CLEC16A: variants seen among roughly 807,000 people sequenced by gnomAD.
The protein encoded by CLEC16A is protein CLEC16A.
Under a neutral mutation model 109.5 loss-of-function variants are expected in CLEC16A, and 51 were observed. The observed-to-expected ratio is 0.47, with a 90% CI of 0.37 to 0.59. CLEC16A has a LOEUF of 0.59. CLEC16A is among the 20% of genes least tolerant of loss of function. The probability of loss-of-function intolerance (pLI) is 0.00; values close to 1 mark genes in which losing one functional copy is unlikely to be tolerated. For missense variants in CLEC16A, 1,339 were observed against 1,394.0 expected, an observed-to-expected ratio of 0.96 and a Z score of 0.63; for synonymous variants, 673 against 564.2, an observed-to-expected ratio of 1.19 and a Z score of -2.73.
intron 22 of CLEC16A, chr16:11,126,430 G>T: frequency 7.2e-7 from 1 of 1,395,658 alleles, no homozygotes; most frequent in East Asian, 2.5e-5. Context: ...AAATTTCTTG[G>T]AAACATTTAA....
intron 11 of CLEC16A, among the ~76,000 whole-genome samples, chr16:11,015,855 C>T (rs2045714100): frequency 6.6e-6 from 1 of 152,198 alleles, no homozygotes; most frequent in South Asian, 2.1e-4. Context: ...AGAGCTGAGC[C>T]TGGGGAAGGA....
chr16:11,016,293 G>A, intron 11 of CLEC16A, among the ~76,000 whole-genome samples: 1 of 151,802 alleles, frequency 6.6e-6, no homozygotes, highest in African/African-American at 2.4e-5. Context: ...AAGGGAAAGA[G>A]AATTATGTTT....
At chr16:10,959,627 G>A (rs954225261) in intron 2 of CLEC16A, among the ~76,000 whole-genome samples, 2 of 151,992 alleles carry the variant, frequency 1.3e-5, no homozygotes, top group African/African-American at 2.4e-5. Flanking sequence ...CCTGACCTCA[G>A]GTGATCCACC....
intron 19 of CLEC16A, among the ~76,000 whole-genome samples, chr16:11,101,610 C>T (rs1444704224): frequency 6.6e-6 from 1 of 152,168 alleles, no homozygotes; most frequent in African/African-American, 2.4e-5. Flanking sequence ...TCTCCACAGA[C>T]GTCTAGTGAG....
In CLEC16A at chr16:11,123,871, C is replaced by A; in HGVS notation, c.2398C>A (p.Arg800Ser). Residue 800 changes from arginine to serine, a missense_variant, in exon 21 of 24, where the codon CGC becomes AGC. Physicochemically the swap from Arg to Ser is moderately radical, Grantham distance 110 (BLOSUM62 -1). This residue lies in a region of CLEC16A where 1,061 missense variants were observed against 1,006.8 expected (regional missense o/e 1.05). Transcript: ENST00000409790. Reference sequence around the variant, plus strand: ...CACCTTCATCTTCTCAGACCACATCCGCTGCATCATCGCCAAGCAGCGCCT... The same window carrying A: ...CACCTTCATCTTCTCAGACCACATCAGCTGCATCATCGCCAAGCAGCGCCT... ...QATFIFSDHI[R>S]CIIAKQRLAK... 1 of 1,613,988 alleles carries A rather than the reference C, an allele frequency of 6.2e-7. No homozygotes were observed. Among genetic ancestry groups the A allele is most frequent in the Non-Finnish European group, 8.5e-7 (1 of 1,179,896 alleles).
At chr16:11,162,014 G>T (rs2054740485) in intron 22 of CLEC16A, among the ~76,000 whole-genome samples, 1 of 152,216 alleles carries the variant, frequency 6.6e-6, no homozygotes, top group African/African-American at 2.4e-5. Flanking sequence ...GTCAGTTTGG[G>T]CAGAGCTTGG....
chr16:11,010,121 C>A (rs1198417052), intron 11 of CLEC16A, among the ~76,000 whole-genome samples: 1 of 151,018 alleles, frequency 6.6e-6, no homozygotes, highest in African/African-American at 2.5e-5. Context: ...CCACACACTC[C>A]AGCCGGGGTG....
At chr16:10,944,825 C>G in intron 1 of CLEC16A, 28 bp downstream of exon 1, 2 of 1,573,522 alleles carry the variant, frequency 1.3e-6, no homozygotes, top group Non-Finnish European at 1.7e-6. Context: ...AGCGGGAGGC[C>G]TCGGGGCTGG....
intron 19 of CLEC16A, among the ~76,000 whole-genome samples, chr16:11,116,130 C>G (rs190998385): frequency 1.8e-4 from 28 of 152,162 alleles, no homozygotes; most frequent in African/African-American, 5.8e-4. Context: ...TAGCTCATGC[C>G]TCTAATCCCA....
At chr16:10,953,430 A>G (rs1740470639) in intron 1 of CLEC16A, among the ~76,000 whole-genome samples, 1 of 152,268 alleles carries the variant, frequency 6.6e-6, no homozygotes, top group Non-Finnish European at 1.5e-5. Context: ...TGTTAGAAGT[A>G]AAAAGCATTT....
chr16:11,089,318 GGCTTATCT>G (rs2050179291), intron 19 of CLEC16A, among the ~76,000 whole-genome samples: 2 of 152,220 alleles, frequency 1.3e-5, no homozygotes, highest in Admixed American at 1.3e-4. Context: ...TATGAGGGTG[GGCTTATCT>G]GCCGTCATTG....
intron 10 of CLEC16A, among the ~76,000 whole-genome samples, chr16:11,001,607 T>C (rs756804181): frequency 2.6e-5 from 4 of 152,144 alleles, no homozygotes; most frequent in South Asian, 4.2e-4. Context: ...CTATATATTA[T>C]GGTTGTTATA....
chr16:11,027,468 C>G (rs371553997), intron 13 of CLEC16A: 2 of 1,579,794 alleles, frequency 1.3e-6, no homozygotes, highest in African/African-American at 2.7e-5. Context: ...GAAGTCTGTC[C>G]GAGAACTCAT....
rs76577802 is a variant in CLEC16A at position 11,148,091 on chromosome 16, G to A, written c.2642-18297G>A. Among the ~76,000 whole-genome samples the A allele has an allele frequency of 4.6e-3, 695 of 152,268 alleles. 2 individuals are homozygous for A. Among genetic ancestry groups the A allele is most frequent in the Non-Finnish European group, 6.5e-3 (445 of 68,022 alleles). The stretch of plus-strand genomic sequence containing the variant: ...TTTCCAGAAATCTCTGTTGATTGTG[G>A]TCTGACCTCAGATTCATGATTTCTG... On this transcript the variant is annotated intron_variant, in intron 22 of 23. Transcript: ENST00000409790.
At chr16:10,955,759 C>G (rs963909309) in intron 1 of CLEC16A, among the ~76,000 whole-genome samples, 1 of 152,148 alleles carries the variant, frequency 6.6e-6, no homozygotes, top group African/African-American at 2.4e-5. Flanking sequence ...AGAATCTGCC[C>G]TTCTCCCATA....
chr16:10,978,167 G>T (rs2043125202), intron 8 of CLEC16A, among the ~76,000 whole-genome samples: 1 of 152,208 alleles, frequency 6.6e-6, no homozygotes, highest in South Asian at 2.1e-4. Context: ...AGGCCCCAGA[G>T]GCCTGTGGGG....
In CLEC16A at chr16:10,971,248, C is replaced by T; in HGVS notation, c.598+18C>T. 6.4e-7 allele frequency: 1 copy of T among 1,557,130 alleles called. No individual in the cohort carries two copies. Among genetic ancestry groups the T allele is most frequent in the Non-Finnish European group, 8.8e-7 (1 of 1,130,984 alleles). On this transcript the variant is annotated intron_variant, in intron 5 of 23. Coordinates refer to ENST00000409790, the MANE Select transcript of CLEC16A (RefSeq NM_015226.3). Reference sequence around the variant, plus strand: ...CTATAAAGGTAAGTGTCCTCATGGGCTTGTGTCTCGGCTGATTTCTGACTT... The same window carrying T: ...CTATAAAGGTAAGTGTCCTCATGGGTTTGTGTCTCGGCTGATTTCTGACTT...
intron 19 of CLEC16A, among the ~76,000 whole-genome samples, chr16:11,062,482 G>A (rs961214699): frequency 1.3e-5 from 2 of 152,114 alleles, no homozygotes; most frequent in African/African-American, 4.8e-5. Flanking sequence ...TTAAAATACA[G>A]AATTGTTTTC....
At position 11,012,103 on chromosome 16, in the gene CLEC16A, G is replaced by A. The variant is rs191102102; in HGVS notation, c.1304-8090G>A. Among the ~76,000 whole-genome samples, 13 of 152,198 alleles carry A rather than the reference G, an allele frequency of 8.5e-5. No individual in the cohort carries two copies. In the East Asian group the frequency reaches 2.5e-3, roughly 29 times the overall value. ...CATTAATTCCTCACTTAACATCAAG[G>A]ATAGGTTCTTAGAAACTGTGACCTT... On this transcript the variant is annotated intron_variant, in intron 11 of 23. Transcript: ENST00000409790.
Sources: gnomAD v4.1 joint callset for allele counts (sites outside exome capture counted in the v4.1 genomes callset) on GRCh38, gnomAD v4.1.1 for gene constraint, gnomAD v4.1.1 regional missense constraint, MANE v1.5 for transcripts, NCBI Gene and HGNC (gene_info 2026-07-23, HGNC 2026-07-21) for gene names.